PDE1A: variants seen among roughly 807,000 people sequenced by gnomAD.
PDE1A encodes the protein phosphodiesterase 1A, also known as dual specificity calcium/calmodulin-dependent 3',5'-cyclic nucleotide phosphodiesterase 1A.
In PDE1A, 35 loss-of-function variants were observed where a neutral mutation model predicts 61.7. The ratio of observed to expected loss-of-function variants is 0.57; its 90% CI spans 0.43 to 0.75. The LOEUF (loss-of-function observed/expected upper bound fraction) is 0.75, where lower values mean the gene tolerates loss of function less well. Ranked by LOEUF, PDE1A falls within the 30% of genes least tolerant of loss-of-function variation. The pLI is 0.00. For missense variants in PDE1A, 597 were observed against 630.6 expected (o/e 0.95, Z 0.57); for synonymous variants, 232 against 213.2 (o/e 1.09, Z -0.77).
chr2:182,525,217 T>G (rs1690760429), upstream of PDE1A, among the ~76,000 whole-genome samples: 1 of 152,190 alleles, frequency 6.6e-6, no homozygotes, highest in Admixed American at 6.5e-5. Flanking sequence ...TTAGTTCTTA[T>G]TATTATTGAT....
Position 182,264,878 on chromosome 2 carries a change from CATAT to C in PDE1A, c.54-468_54-465del, listed in dbSNP as rs148358464. On this transcript the variant is annotated intron_variant, in intron 1 of 13. Transcript: ENST00000351439. Reference sequence around the variant, plus strand: ...ATAAAGAAAATGTGGTATATATATACATATATATATATATGTATATATATACACC... The same window carrying C: ...ATAAAGAAAATGTGGTATATATATACATATATATATGTATATATATACACC... 5.6e-3 allele frequency among the ~76,000 whole-genome samples: 600 copies of C among 106,864 alleles called. 30 individuals are homozygous for C. Among genetic ancestry groups the C allele is most frequent in the South Asian group, 0.026 (76 of 2,960 alleles). The allele number at this position is 106,864 out of a possible 152,430, so 70.1% of individuals were successfully genotyped here.
intron 1 of PDE1A, among the ~76,000 whole-genome samples, chr2:182,264,890 T>TATAC (rs1559271288): frequency 7.2e-6 from 1 of 139,134 alleles, no homozygotes; most frequent in African/African-American, 2.6e-5. Context: ...TATATATATA[T>TATAC]ATGTATATAT....
the PDE1A span, among the ~76,000 whole-genome samples, chr2:182,671,519 A>C: frequency 6.7e-6 from 1 of 150,152 alleles, no homozygotes; most frequent in Non-Finnish European, 1.5e-5. Context: ...CAGCACTCAA[A>C]TTACACAAAC....
chr2:182,462,324 T>C (rs944759853), intron 2 of PDE1A, among the ~76,000 whole-genome samples: 1 of 148,624 alleles, frequency 6.7e-6, no homozygotes, highest in Admixed American at 6.6e-5. Context: ...AATAGACATA[T>C]AAAAAAGTAT....
At chr2:182,626,776 TATATACATATATATAC>T in the PDE1A span, among the ~76,000 whole-genome samples, 10 of 3,930 alleles carry the variant, frequency 2.5e-3, no homozygotes, top group Admixed American at 7.8e-3. Flanking sequence ...TATATACATA[TATATACATATATATAC>T]ATATATATAC....
intron 2 of PDE1A, among the ~76,000 whole-genome samples, chr2:182,509,499 G>A (rs1276933369): frequency 6.6e-6 from 1 of 152,164 alleles, no homozygotes; most frequent in Non-Finnish European, 1.5e-5. Flanking sequence ...GTATTAAGTA[G>A]AATTATCTAA....
chr2:182,332,789 T>C (rs769153259), intron 1 of PDE1A, among the ~76,000 whole-genome samples: 3 of 151,986 alleles, frequency 2.0e-5, no homozygotes, highest in Non-Finnish European at 2.9e-5. Flanking sequence ...TGACCCCTGC[T>C]GGGAGGTGCC....
At chr2:182,371,906 T>A (rs1342526430) in intron 1 of PDE1A, among the ~76,000 whole-genome samples, 3 of 152,214 alleles carry the variant, frequency 2.0e-5, no homozygotes, top group Admixed American at 6.5e-5. Context: ...GACCTCAGCC[T>A]CCTGAGTAGC....
At chr2:182,387,791 A>G (rs964665808) in intron 1 of PDE1A, among the ~76,000 whole-genome samples, 2 of 152,016 alleles carry the variant, frequency 1.3e-5, no homozygotes, top group Non-Finnish European at 2.9e-5. Flanking sequence ...GAAAGAAAGA[A>G]TCACTCTACA....
the PDE1A span, among the ~76,000 whole-genome samples, chr2:182,551,739 G>C: frequency 6.6e-6 from 1 of 152,182 alleles, no homozygotes; most frequent in Admixed American, 6.5e-5. Context: ...ATTTGTCCTG[G>C]TGGAGTCAGG....
chr2:182,225,863 A>G (rs1191307488), intron 6 of PDE1A, among the ~76,000 whole-genome samples: 1 of 150,078 alleles, frequency 6.7e-6, no homozygotes, highest in Non-Finnish European at 1.5e-5. Context: ...TGAGTGAAGC[A>G]GAAATAATTT....
At chr2:182,427,563 T>C (rs916390649), upstream of PDE1A, among the ~76,000 whole-genome samples, 3 of 152,028 alleles carry the variant, frequency 2.0e-5, no homozygotes, top group Non-Finnish European at 2.9e-5. Context: ...TGGGAGCCTA[T>C]GGTTTATATA....
intron 2 of PDE1A, among the ~76,000 whole-genome samples, chr2:182,249,497 C>T (rs556172087): frequency 3.2e-4 from 48 of 152,170 alleles, no homozygotes; most frequent in African/African-American, 1.1e-3. Context: ...AGTGGGGAAT[C>T]ATGCCCTGGG....
intron 2 of PDE1A, among the ~76,000 whole-genome samples, chr2:182,443,328 A>C (rs574949029): frequency 6.2e-4 from 94 of 152,198 alleles, no homozygotes; most frequent in Middle Eastern, 3.4e-3. Flanking sequence ...TATATATTTA[A>C]GCTTCATAAA....
At chr2:182,559,714 C>A in the PDE1A span, among the ~76,000 whole-genome samples, 4 of 152,044 alleles carry the variant, frequency 2.6e-5, no homozygotes, top group Admixed American at 6.6e-5. Flanking sequence ...TAGCATCAAA[C>A]TGAAAACTAC....
intron 1 of PDE1A, among the ~76,000 whole-genome samples, chr2:182,407,614 TCAAGTGATCCACA>T (rs1450040135): frequency 6.6e-6 from 1 of 152,060 alleles, no homozygotes; most frequent in East Asian, 1.9e-4. Flanking sequence ...ACCCCTGGCC[TCAAGTGATCCACA>T]GCCTGGGCCT....
At chr2:182,650,171 C>A in the PDE1A span, among the ~76,000 whole-genome samples, 1 of 151,966 alleles carries the variant, frequency 6.6e-6, no homozygotes. Flanking sequence ...GCTTTAGGTG[C>A]CAGGTAGATG....
At chr2:182,573,780 CATATA>C in the PDE1A span, among the ~76,000 whole-genome samples, 1 of 149,590 alleles carries the variant, frequency 6.7e-6, no homozygotes, top group Non-Finnish European at 1.5e-5. Context: ...AATATACTTT[CATATA>C]ATATATAAAA....
the PDE1A span, among the ~76,000 whole-genome samples, chr2:182,552,740 C>T: frequency 1.3e-5 from 2 of 152,276 alleles, no homozygotes; most frequent in South Asian, 4.1e-4. Flanking sequence ...GGACAAGGAT[C>T]GGGATATAAA....
Sources: gnomAD v4.1 joint callset for allele counts (sites outside exome capture counted in the v4.1 genomes callset) on GRCh38, gnomAD v4.1.1 for gene constraint, MANE v1.5 for transcripts, NCBI Gene and HGNC (gene_info 2026-07-23, HGNC 2026-07-21) for gene names.